Variants in FAP observed in about 807,000 individuals in gnomAD.
FAP encodes the protein fibroblast activation protein alpha.
In FAP, 110 loss-of-function variants were observed where a neutral mutation model predicts 126.5. The observed-to-expected ratio is 0.87, with a 90% CI of 0.74 to 1.02. FAP has a LOEUF of 1.02. Ranked by LOEUF, FAP falls within the 50% of genes least tolerant of loss-of-function variation. The probability of loss-of-function intolerance (pLI) is 0.00; values close to 1 mark genes in which losing one functional copy is unlikely to be tolerated. For synonymous variants in FAP, 334 were observed against 297.3 expected (o/e 1.12, Z -1.27); for missense variants, 919 against 909.2 (o/e 1.01, Z -0.14).
At chr2:162,214,908 G>C (rs142376650) in intron 10 of FAP, among the ~76,000 whole-genome samples, 1 of 152,216 alleles carries the variant, frequency 6.6e-6, no homozygotes, top group East Asian at 1.9e-4. Context: ...TCTGCTACAT[G>C]ATGAGTGTTC....
At position 162,219,143 on chromosome 2, in the gene FAP, G is replaced by A. The variant is rs267598948; in HGVS notation, c.527C>T (p.Pro176Leu). The change falls in exon 8 of 26, where the codon CCA becomes CTA. Residue 176 changes from proline to leucine, a missense_variant. Pro to Leu is a moderately conservative substitution (Grantham distance 98). Transcript: ENST00000188790. Reference sequence around the variant, plus strand: ...TGTTATTTGAAAAGGTGGATCTCCTGGTCTTTGTTTCAAATAGATATTGTT... The same window carrying A: ...TGTTATTTGAAAAGGTGGATCTCCTAGTCTTTGTTTCAAATAGATATTGTT... ...YQNNIYLKQR[P>L]GDPPFQITFN... 6.2e-7 allele frequency: 1 copy of A among 1,606,804 alleles called. No individual in the cohort carries two copies. The highest frequency in any genetic ancestry group is 1.7e-5 in the Admixed American group (1 of 59,648).
intron 10 of FAP, among the ~76,000 whole-genome samples, chr2:162,215,546 C>T (rs1689128913): frequency 6.6e-6 from 1 of 152,198 alleles, no homozygotes; most frequent in Non-Finnish European, 1.5e-5. Context: ...TTATCATACA[C>T]ATGTGATCCA....
intron 11 of FAP, among the ~76,000 whole-genome samples, chr2:162,212,177 A>G (rs575589825): frequency 6.6e-6 from 1 of 152,334 alleles, no homozygotes; most frequent in South Asian, 2.1e-4. Flanking sequence ...GTTGTCTCAG[A>G]TTTTGATAAA....
intron 17 of FAP, 113 bp downstream of exon 17, chr2:162,194,588 C>T: frequency 1.2e-6 from 1 of 854,346 alleles, no homozygotes; most frequent in Non-Finnish European, 2.0e-6. Context: ...TAACAGGATT[C>T]CATCGCAGTT....
intron 12 of FAP, among the ~76,000 whole-genome samples, chr2:162,208,304 C>G (rs1688790432): frequency 6.6e-6 from 1 of 151,136 alleles, no homozygotes; most frequent in Non-Finnish European, 1.5e-5. Flanking sequence ...TTCATTCATT[C>G]AGCTCAATTT....
chr2:162,192,677 C>T (rs1340934623), intron 17 of FAP, among the ~76,000 whole-genome samples: 1 of 152,110 alleles, frequency 6.6e-6, no homozygotes, highest in Non-Finnish European at 1.5e-5. Flanking sequence ...GATGTCACTA[C>T]AGAGCAGCTC....
Position 162,198,894 on chromosome 2 carries a change from G to T in FAP, c.1278-13C>A, listed in dbSNP as rs955990701. The T allele has an allele frequency of 4.3e-6, 7 of 1,612,090 alleles. No individual in the cohort carries two copies. Among genetic ancestry groups the T allele is most frequent in the Admixed American group, 1.7e-5 (1 of 59,890 alleles). On this transcript the variant is annotated splice_polypyrimidine_tract_variant and intron_variant, in intron 15 of 25. Transcript: ENST00000188790. ...TCCAATGCTAATTCTAGAGGGAAAT[G>T]AAAATAAAACTAAGCTGAAATTTTG...
Position 162,215,904 on chromosome 2 carries a change from G to A in FAP, c.860C>T (p.Ala287Val). 3 of 1,609,416 alleles carry A rather than the reference G, an allele frequency of 1.9e-6. No homozygotes were observed. The highest frequency in any genetic ancestry group is 1.7e-6 in the Non-Finnish European group (2 of 1,175,728). ...GGGATCTGAGATGAACTACCTTGAG[G>A]CTATCATTGCTGGAACAGGCACTTC... ...PQEVPVPAMI[A>V]SSDYYFSWLT... Residue 287 changes from alanine (A) to valine (V), a missense_variant, in exon 10 of 26, where the codon GCC becomes GTC. Physicochemically the swap from Ala to Val is moderately conservative, Grantham distance 64. Transcript: ENST00000188790.
chr2:162,202,880 C>T lies in FAP; in HGVS notation c.1215G>A (p.Gln405=), dbSNP rs1483496547. 5.0e-6 allele frequency: 8 copies of T among 1,612,968 alleles called. No homozygotes were observed. The highest frequency in any genetic ancestry group is 1.7e-5 in the Admixed American group (1 of 59,996). ...CTTCGTGCAATACTTACAGTGAATC[C>T]TGTGTTACTCTGAATATATTTATGG... is the stretch of plus-strand genomic sequence containing the variant. ...WEAINIFRVT[Q]DSLFYSSNEF... is the part of the protein sequence containing the mutation. Residue 405 remains glutamine, a synonymous_variant, in exon 14 of 26, where the codon CAG becomes CAA. Transcript: ENST00000188790.
At chr2:162,203,866 A>G (rs901775061) in intron 12 of FAP, among the ~76,000 whole-genome samples, 1 of 152,222 alleles carries the variant, frequency 6.6e-6, no homozygotes, top group Non-Finnish European at 1.5e-5. Flanking sequence ...TCTAAATGAT[A>G]GATATAACTG....
intron 16 of FAP, among the ~76,000 whole-genome samples, chr2:162,195,867 C>A (rs74515859): frequency 6.6e-6 from 1 of 152,126 alleles, no homozygotes; most frequent in East Asian, 1.9e-4. Flanking sequence ...CCCCACCCCC[C>A]CCAGATAGGG....
intron 20 of FAP, 65 bp downstream of exon 20, chr2:162,188,104 A>G: frequency 7.8e-7 from 1 of 1,287,482 alleles, no homozygotes; most frequent in South Asian, 1.4e-5. Context: ...AGAATGGAGA[A>G]ACACAATAGT....
rs116608311 is a variant in FAP, at chr2:162,181,517, T to C, written c.1869+1897A>G. Among the ~76,000 whole-genome samples, 133 of 152,282 alleles carry C rather than the reference T, an allele frequency of 8.7e-4. 1 individual carries two copies. The highest frequency in any genetic ancestry group is 3.1e-3 in the African/African-American group (129 of 41,562). On this transcript the variant is annotated intron_variant, in intron 21 of 25. Coordinates refer to ENST00000188790, the MANE Select transcript of FAP (RefSeq NM_004460.5). ...GCACCATGCTCTTTAACTCAGGTCC[T>C]GGGCAATGTGGTTTTCACTCTGCCT...
chr2:162,200,534 T>G, intron 15 of FAP, 32 bp downstream of exon 15: 1 of 1,261,510 alleles, frequency 7.9e-7, no homozygotes, highest in Non-Finnish European at 1.1e-6. Context: ...TATCAACACA[T>G]AGAAATACCA....
chr2:162,226,212 G>A (rs1689639544), intron 3 of FAP, among the ~76,000 whole-genome samples: 1 of 151,980 alleles, frequency 6.6e-6, no homozygotes, highest in South Asian at 2.1e-4. Context: ...TAAAATTTTT[G>A]TGACTTCTCC....
intron 2 of FAP, among the ~76,000 whole-genome samples, chr2:162,241,493 A>G (rs938593111): frequency 6.6e-6 from 1 of 152,180 alleles, no homozygotes; most frequent in Non-Finnish European, 1.5e-5. Context: ...ATCCTTCCCT[A>G]TGGACATGGA....
Position 162,183,477 on chromosome 2 carries a change from A to G in FAP, c.1815-9T>C. 1 of 1,563,928 alleles carries G rather than the reference A, an allele frequency of 6.4e-7. No homozygotes were observed. Among genetic ancestry groups the G allele is most frequent in the Non-Finnish European group, 8.8e-7 (1 of 1,135,968 alleles). On this transcript the variant is annotated splice_polypyrimidine_tract_variant and intron_variant, in intron 20 of 25. Transcript: ENST00000188790. The stretch of plus-strand genomic sequence containing the variant: ...CCATTTCTATGAATTTTCTAAAGTA[A>G]AAGAAACAAATTTTTAGAATGTTAA...
At position 162,210,704 on chromosome 2, in the gene FAP, T is replaced by C. The variant is rs1408689981; in HGVS notation, c.1003-708A>G. Among the ~76,000 whole-genome samples, 4 of 152,234 alleles carry C rather than the reference T, an allele frequency of 2.6e-5. No individual in the cohort carries two copies. The South Asian group carries it at 8.3e-4, about 32-fold the overall frequency. On this transcript the variant is annotated intron_variant, in intron 11 of 25. Transcript: ENST00000188790. ...CTTTTGAAGGTCTTCCAATTCACAA[T>C]TTGGAACATATAATTATGAACATGA...
intron 25 of FAP, 39 bp downstream of exon 25, chr2:162,172,772 G>A: frequency 7.3e-7 from 1 of 1,362,126 alleles, no homozygotes; most frequent in Non-Finnish European, 1.1e-6. Flanking sequence ...TAGCTTGAGG[G>A]TCTAAGGCCA....
Sources: gnomAD v4.1 joint callset for allele counts (sites outside exome capture counted in the v4.1 genomes callset) on GRCh38, gnomAD v4.1.1 for gene constraint, MANE v1.5 for transcripts, NCBI Gene and HGNC (gene_info 2026-07-23, HGNC 2026-07-21) for gene names.